ZNRF1: variants seen among roughly 807,000 people sequenced by gnomAD.
ZNRF1 encodes zinc and ring finger 1, also known as E3 ubiquitin-protein ligase ZNRF1.
In ZNRF1, 3 loss-of-function variants were observed where a neutral mutation model predicts 18.4. That is an observed-to-expected ratio of 0.16 (90% CI 0.07 to 0.42). The LOEUF (loss-of-function observed/expected upper bound fraction) is 0.42, where lower values mean the gene tolerates loss of function less well. Among genes scored for constraint, ZNRF1 ranks in the 10% least tolerant of loss-of-function variants. The pLI is 0.99. For missense variants in ZNRF1, 310 were observed against 329.8 expected (o/e 0.94, Z 0.47); for synonymous variants, 157 against 144.2 (o/e 1.09, Z -0.64).
At chr16:75,039,741 G>A (rs1238172231) in intron 1 of ZNRF1, among the ~76,000 whole-genome samples, 1 of 152,230 alleles carries the variant, frequency 6.6e-6, no homozygotes, top group Admixed American at 6.5e-5. Flanking sequence ...GTCAACAGGT[G>A]TTCCAGGTGA....
intron 1 of ZNRF1, among the ~76,000 whole-genome samples, chr16:75,034,111 T>C (rs1227195919): frequency 6.6e-6 from 1 of 152,156 alleles, no homozygotes; most frequent in Non-Finnish European, 1.5e-5. Context: ...TGAGCGGAGA[T>C]TGTGCCACTG....
rs1039779585 is a variant in ZNRF1 at position 75,039,442 on chromosome 16, C to G, written c.424+39347C>G. 2.6e-5 allele frequency among the ~76,000 whole-genome samples: 4 copies of G among 152,114 alleles called. No individual in the cohort carries two copies. In the East Asian group the frequency reaches 7.7e-4, roughly 29 times the overall value. ...TGGTCATTTTCAACCCAGGAACACA[C>G]AGATTTTACTCTTGAAACTACTTAT... On this transcript the variant is annotated intron_variant, in intron 1 of 4. Transcript: ENST00000335325.
intron 1 of ZNRF1, among the ~76,000 whole-genome samples, chr16:75,016,421 G>A (rs1447989698): frequency 6.6e-6 from 1 of 151,436 alleles, no homozygotes; most frequent in Non-Finnish European, 1.5e-5. Flanking sequence ...TGTAGTTTTA[G>A]TAGAGACATG....
intron 1 of ZNRF1, among the ~76,000 whole-genome samples, chr16:75,031,175 A>G (rs1451658521): frequency 6.7e-6 from 1 of 149,428 alleles, no homozygotes; most frequent in East Asian, 2.0e-4. Flanking sequence ...TCTGTTGCCC[A>G]GGCTGGAGTG....
intron 1 of ZNRF1, among the ~76,000 whole-genome samples, chr16:75,037,154 A>G (rs1406454734): frequency 6.6e-6 from 1 of 152,372 alleles, no homozygotes; most frequent in Admixed American, 6.5e-5. Context: ...CATGATGAGC[A>G]GAATGGATGA....
chr16:75,095,633 G>A, intron 2 of ZNRF1: 1 of 1,550,116 alleles, frequency 6.5e-7, no homozygotes, highest in South Asian at 1.2e-5. Flanking sequence ...GGCTCAGCCT[G>A]AGAAAACCTG....
At chr16:75,002,304 G>A (rs1445498791) in intron 1 of ZNRF1, 1 of 152,218 alleles carries the variant, frequency 6.6e-6, no homozygotes, top group Non-Finnish European at 1.5e-5. Flanking sequence ...GATCTTCCAG[G>A]ACATCTGTTT....
intron 1 of ZNRF1, among the ~76,000 whole-genome samples, chr16:75,026,441 C>G (rs2035225516): frequency 6.6e-6 from 1 of 152,086 alleles, no homozygotes; most frequent in Admixed American, 6.5e-5. Context: ...GTGTCATTTC[C>G]TTCATGCCTC....
chr16:75,076,615 G>T (rs1224883354), intron 1 of ZNRF1, among the ~76,000 whole-genome samples: 2 of 147,334 alleles, frequency 1.4e-5, no homozygotes, highest in African/African-American at 5.0e-5. Flanking sequence ...ATAGCACATG[G>T]CATCCTCTCT....
intron 1 of ZNRF1, among the ~76,000 whole-genome samples, chr16:75,053,368 C>T (rs2035629421): frequency 6.6e-6 from 1 of 152,058 alleles, no homozygotes; most frequent in African/African-American, 2.4e-5. Context: ...GCAGGTGGAT[C>T]ACCTGAGGTC....
At chr16:75,076,209 T>C (rs889341574) in intron 1 of ZNRF1, among the ~76,000 whole-genome samples, 1 of 152,230 alleles carries the variant, frequency 6.6e-6, no homozygotes, top group Non-Finnish European at 1.5e-5. Flanking sequence ...TTTAATCTTC[T>C]ATCTATAATC....
intron 1 of ZNRF1, among the ~76,000 whole-genome samples, chr16:75,006,664 G>C (rs1256826986): frequency 2.6e-5 from 4 of 152,178 alleles, no homozygotes; most frequent in African/African-American, 9.7e-5. Context: ...TCGAACTCCT[G>C]ACCTCGGGTG....
At chr16:75,030,926 C>T (rs570576739) in intron 1 of ZNRF1, among the ~76,000 whole-genome samples, 11 of 150,242 alleles carry the variant, frequency 7.3e-5, no homozygotes, top group South Asian at 2.1e-4. Context: ...CTGCAACCTC[C>T]GCCTCCCGGG....
At chr16:75,065,158 C>T (rs2035787064) in intron 1 of ZNRF1, among the ~76,000 whole-genome samples, 1 of 152,226 alleles carries the variant, frequency 6.6e-6, no homozygotes, top group Non-Finnish European at 1.5e-5. Context: ...CAAGTGATAG[C>T]AGGCAGCCAG....
intron 2 of ZNRF1, among the ~76,000 whole-genome samples, chr16:75,100,577 C>A (rs2036244541): frequency 1.3e-5 from 2 of 152,192 alleles, no homozygotes; most frequent in Non-Finnish European, 1.5e-5. Flanking sequence ...GAGAACACAC[C>A]TGGTGTGGGA....
intron 1 of ZNRF1, among the ~76,000 whole-genome samples, chr16:75,030,127 A>C (rs1002786747): frequency 6.6e-6 from 1 of 152,146 alleles, no homozygotes; most frequent in African/African-American, 2.4e-5. Flanking sequence ...CACTCATTCA[A>C]AGTAAACAGT....
chr16:75,081,122 G>A (rs1208313562), intron 1 of ZNRF1, among the ~76,000 whole-genome samples: 3 of 149,702 alleles, frequency 2.0e-5, no homozygotes, highest in East Asian at 2.0e-4. Context: ...GCAGTGAGCC[G>A]AGATCACGCC....
At chr16:75,020,843 C>T (rs907660287) in intron 1 of ZNRF1, among the ~76,000 whole-genome samples, 2 of 151,856 alleles carry the variant, frequency 1.3e-5, no homozygotes, top group Non-Finnish European at 2.9e-5. Flanking sequence ...CGCCCGGCCC[C>T]TTCAGTCTTT....
At chr16:75,028,565 G>A (rs1459566150) in intron 1 of ZNRF1, among the ~76,000 whole-genome samples, 1 of 152,234 alleles carries the variant, frequency 6.6e-6, no homozygotes, top group African/African-American at 2.4e-5. Context: ...AAAGTGCTGG[G>A]ATTATAGGCG....
Sources: gnomAD v4.1 joint callset for allele counts (sites outside exome capture counted in the v4.1 genomes callset) on GRCh38, gnomAD v4.1.1 for gene constraint, MANE v1.5 for transcripts, NCBI Gene and HGNC (gene_info 2026-07-23, HGNC 2026-07-21) for gene names.